The following USH2A variants were observed in gnomAD, a reference collection of about 807,000 sequenced individuals.
USH2A encodes Usher syndrome 2A (autosomal recessive, mild).
USH2A carries 443 observed loss-of-function variants against 538.9 expected under a neutral mutation model. The observed-to-expected ratio is 0.82, with a 90% CI of 0.76 to 0.89. The LOEUF (loss-of-function observed/expected upper bound fraction) is 0.89, where lower values mean the gene tolerates loss of function less well. Among genes scored for constraint, USH2A ranks in the 40% least tolerant of loss-of-function variants. The pLI, the probability that USH2A is intolerant of heterozygous loss-of-function variation, is 0.00. For missense variants in USH2A, 6,633 were observed against 6,324.8 expected (o/e 1.05, Z -1.65); for synonymous variants, 2,413 against 2,273.5 (o/e 1.06, Z -1.75).
chr1:216,101,778 T>C (rs1178403044), intron 21 of USH2A, among the ~76,000 whole-genome samples: 1 of 152,218 alleles, frequency 6.6e-6, no homozygotes, highest in Non-Finnish European at 1.5e-5. Flanking sequence ...ATAGAGCATT[T>C]CATGCATCTC....
At chr1:215,717,012 C>T (rs1158741071) in intron 61 of USH2A, among the ~76,000 whole-genome samples, 1 of 152,168 alleles carries the variant, frequency 6.6e-6, no homozygotes, top group Non-Finnish European at 1.5e-5. Flanking sequence ...CATTACTTTC[C>T]AGTGGGCAAA....
At chr1:215,664,329 G>A (rs1657537690) in intron 64 of USH2A, among the ~76,000 whole-genome samples, 1 of 152,126 alleles carries the variant, frequency 6.6e-6, no homozygotes, top group African/African-American at 2.4e-5. Context: ...AGGTTTCAAT[G>A]AGAGACACAA....
chr1:215,947,032 A>G, intron 37 of USH2A, among the ~76,000 whole-genome samples: 1 of 141,184 alleles, frequency 7.1e-6, no homozygotes, highest in African/African-American at 2.6e-5. Context: ...GTATTAAATA[A>G]GGTATATTAC....
At chr1:215,875,924 TTGA>T (rs1162570188) in intron 43 of USH2A, among the ~76,000 whole-genome samples, 2 of 136,256 alleles carry the variant, frequency 1.5e-5, no homozygotes, top group Non-Finnish European at 1.6e-5. Flanking sequence ...ATAATATATA[TTGA>T]TTATTATATA....
Position 216,232,109 on chromosome 1 carries a change from G to A in USH2A, c.2837C>T (p.Thr946Ile). ...ATGGCATGAGCATGGCAGGCAGCCA[G>A]TGGCATTGCCTGGAGAAATATAAAA... ...PGFYISPGNATGCLPCSCHTT... is the reference protein window; with the variant it reads ...PGFYISPGNAIGCLPCSCHTT... Residue 946 changes from threonine to isoleucine, a missense_variant, in exon 14 of 72, where the codon ACT becomes ATT. By Grantham distance (89) the Thr-to-Ile change is moderately conservative (BLOSUM62 -1). Coordinates refer to ENST00000307340, the MANE Select transcript of USH2A (RefSeq NM_206933.4). The A allele has an allele frequency of 5.6e-6, 9 of 1,613,760 alleles. No homozygotes were observed. The highest frequency in any genetic ancestry group is 7.6e-6 in the Non-Finnish European group (9 of 1,179,790).
chr1:215,785,442 C>A (rs1234796468), intron 52 of USH2A, among the ~76,000 whole-genome samples: 3 of 152,256 alleles, frequency 2.0e-5, no homozygotes, highest in South Asian at 4.1e-4. Context: ...TGGCGAGTAA[C>A]TTTTACAGAT....
chr1:215,721,144 G>A (rs750028698), intron 61 of USH2A, among the ~76,000 whole-genome samples: 7 of 151,890 alleles, frequency 4.6e-5, no homozygotes, highest in African/African-American at 1.5e-4. Flanking sequence ...GTGCAATCTC[G>A]GCTCTCTGCA....
chr1:216,399,873 G>A (rs926840361), intron 3 of USH2A, among the ~76,000 whole-genome samples: 17 of 152,004 alleles, frequency 1.1e-4, no homozygotes, highest in African/African-American at 1.9e-4. Context: ...CAGTGACAAC[G>A]GGGTGATGAA....
At chr1:215,975,736 A>G (rs1667604690) in intron 35 of USH2A, among the ~76,000 whole-genome samples, 1 of 152,108 alleles carries the variant, frequency 6.6e-6, no homozygotes, top group Non-Finnish European at 1.5e-5. Context: ...TATAGTTTGA[A>G]GTTGAGTAAT....
intron 16 of USH2A, among the ~76,000 whole-genome samples, chr1:216,200,351 T>C (rs1379782280): frequency 2.0e-5 from 3 of 152,200 alleles, no homozygotes; most frequent in Non-Finnish European, 4.4e-5. Flanking sequence ...GTTTAGATGT[T>C]TGTTTTAGTT....
chr1:216,372,826 A>C (rs2038740167), intron 3 of USH2A, among the ~76,000 whole-genome samples: 1 of 152,184 alleles, frequency 6.6e-6, no homozygotes, highest in South Asian at 2.1e-4. Flanking sequence ...TGCACACTTC[A>C]TCACAATATT....
intron 53 of USH2A, 127 bp from the exon 54 acceptor site, chr1:215,782,323 T>C (rs551275681): frequency 9.7e-7 from 1 of 1,031,714 alleles, no homozygotes; most frequent in African/African-American, 1.6e-5. Context: ...AATTTCCTAT[T>C]ATATTGCTGT....
chr1:216,036,967 T>C (rs2030014476), intron 32 of USH2A, among the ~76,000 whole-genome samples: 2 of 152,116 alleles, frequency 1.3e-5, no homozygotes, highest in South Asian at 4.1e-4. Context: ...AAATATAACC[T>C]TTGTTTCTCA....
chr1:215,907,788 A>G (rs771562717), intron 38 of USH2A, among the ~76,000 whole-genome samples: 4 of 152,046 alleles, frequency 2.6e-5, no homozygotes, highest in Non-Finnish European at 4.4e-5. Context: ...GGTGCCCAAC[A>G]CAGTGCTTTG....
At chr1:216,338,113 A>T (rs2038008458) in intron 4 of USH2A, among the ~76,000 whole-genome samples, 1 of 151,492 alleles carries the variant, frequency 6.6e-6, no homozygotes, top group African/African-American at 2.4e-5. Flanking sequence ...ATTTAATTCA[A>T]TTCCAATAAA....
chr1:216,099,340 C>A (rs2032522028), intron 21 of USH2A, among the ~76,000 whole-genome samples: 2 of 152,080 alleles, frequency 1.3e-5, no homozygotes, highest in Non-Finnish European at 2.9e-5. Flanking sequence ...GAATTGTTTG[C>A]CCCAACAAAT....
chr1:216,190,624 T>C (rs1243077395), intron 19 of USH2A, among the ~76,000 whole-genome samples: 1 of 151,764 alleles, frequency 6.6e-6, no homozygotes, highest in Non-Finnish European at 1.5e-5. Flanking sequence ...AGTTATTGCC[T>C]CATAAAGCAG....
At chr1:215,803,361 CA>C (rs1662398550) in intron 49 of USH2A, among the ~76,000 whole-genome samples, 1 of 152,168 alleles carries the variant, frequency 6.6e-6, no homozygotes, top group South Asian at 2.1e-4. Context: ...TTGCAGATGA[CA>C]TGATTGTATA....
intron 30 of USH2A, among the ~76,000 whole-genome samples, chr1:216,064,062 C>A (rs1373766639): frequency 3.9e-5 from 6 of 152,112 alleles, no homozygotes; most frequent in Non-Finnish European, 8.8e-5. Flanking sequence ...TAAGGAGCAC[C>A]GCCTACCAGC....
Sources: allele counts gnomAD v4.1 joint callset (sites outside exome capture counted in the v4.1 genomes callset), GRCh38; gene constraint gnomAD v4.1.1; transcripts MANE v1.5; gene names NCBI Gene and HGNC (gene_info 2026-07-23, HGNC 2026-07-21).